The following LYPD6 variants were observed in gnomAD, a reference collection of about 807,000 sequenced individuals.
The protein encoded by LYPD6 is ly6/PLAUR domain-containing protein 6.
Under a neutral mutation model 22.7 loss-of-function variants are expected in LYPD6, and 15 were observed. The ratio of observed to expected loss-of-function variants is 0.66; its 90% confidence interval spans 0.44 to 1.02. The LOEUF is 1.02. Ranked by LOEUF, LYPD6 falls within the 50% of genes least tolerant of loss-of-function variation. The probability of loss-of-function intolerance (pLI) is 0.00; values close to 1 mark genes in which losing one functional copy is unlikely to be tolerated. For synonymous variants in LYPD6, 72 were observed against 77.5 expected, an observed-to-expected ratio of 0.93 and a Z score of 0.37; for missense variants, 189 against 208.4, an observed-to-expected ratio of 0.91 and a Z score of 0.57.
chr2:149,398,941 G>A (rs1682488510), intron 1 of LYPD6, among the ~76,000 whole-genome samples: 1 of 152,154 alleles, frequency 6.6e-6, no homozygotes, highest in Non-Finnish European at 1.5e-5. Context: ...CCAAGAAATT[G>A]CTAAGAGATT....
intron 1 of LYPD6, among the ~76,000 whole-genome samples, chr2:149,358,023 T>C (rs1681480096): frequency 6.6e-6 from 1 of 152,148 alleles, no homozygotes; most frequent in Non-Finnish European, 1.5e-5. Flanking sequence ...TGACCTCAGG[T>C]GATCCGCCCG....
chr2:149,406,928 G>T (rs1682726684), intron 1 of LYPD6, among the ~76,000 whole-genome samples: 1 of 152,028 alleles, frequency 6.6e-6, no homozygotes, highest in Non-Finnish European at 1.5e-5. Flanking sequence ...GGCAGGCCTG[G>T]TGGTGACAAA....
intron 1 of LYPD6, among the ~76,000 whole-genome samples, chr2:149,354,720 G>GGA (rs1442643087): frequency 1.3e-5 from 2 of 152,122 alleles, no homozygotes; most frequent in East Asian, 3.8e-4. Context: ...AAGGGGGCTT[G>GGA]GAATGCAATT....
chr2:149,330,931 G>A (rs1680924382), intron 1 of LYPD6, among the ~76,000 whole-genome samples: 1 of 152,188 alleles, frequency 6.6e-6, no homozygotes, highest in Non-Finnish European at 1.5e-5. Context: ...CGAGTAGCCT[G>A]GACGGGTCCA....
chr2:149,483,984 C>T, the LYPD6 span, among the ~76,000 whole-genome samples: 4 of 152,108 alleles, frequency 2.6e-5, no homozygotes, highest in African/African-American at 4.8e-5. Flanking sequence ...CACCAAAAAG[C>T]GAAGTGACCT....
chr2:149,485,910 C>T, the LYPD6 span, among the ~76,000 whole-genome samples: 1 of 152,224 alleles, frequency 6.6e-6, no homozygotes, highest in Non-Finnish European at 1.5e-5. Context: ...CCCGCCAGAC[C>T]TCAGGGTCAC....
chr2:149,419,734 C>A (rs943896159), intron 1 of LYPD6, among the ~76,000 whole-genome samples: 1 of 152,158 alleles, frequency 6.6e-6, no homozygotes, highest in Admixed American at 6.5e-5. Flanking sequence ...GGAATTAGAA[C>A]AACCAGTTAT....
chr2:149,469,589 TC>T (rs1681284573), intron 4 of LYPD6, among the ~76,000 whole-genome samples: 1 of 152,172 alleles, frequency 6.6e-6, no homozygotes, highest in Non-Finnish European at 1.5e-5. Flanking sequence ...CACCTAATTT[TC>T]AAGCAACCTC....
At chr2:149,333,477 G>A (rs1680976151) in intron 1 of LYPD6, among the ~76,000 whole-genome samples, 1 of 152,182 alleles carries the variant, frequency 6.6e-6, no homozygotes, top group Admixed American at 6.5e-5. Context: ...TTCAAGTCTT[G>A]TCTTCACATA....
chr2:149,341,352 T>C (rs1391518012), intron 1 of LYPD6, among the ~76,000 whole-genome samples: 1 of 152,178 alleles, frequency 6.6e-6, no homozygotes, highest in Non-Finnish European at 1.5e-5. Context: ...TTTCTCCTGA[T>C]TCCCTCATCA....
chr2:149,346,327 CAT>C (rs1408357093), intron 1 of LYPD6, among the ~76,000 whole-genome samples: 11 of 152,104 alleles, frequency 7.2e-5, no homozygotes, highest in Non-Finnish European at 1.3e-4. Flanking sequence ...AAGCTGAACA[CAT>C]GTGTCTGTGC....
chr2:149,331,583 C>T (rs1384757359), intron 1 of LYPD6, among the ~76,000 whole-genome samples: 1 of 151,964 alleles, frequency 6.6e-6, no homozygotes, highest in Non-Finnish European at 1.5e-5. Context: ...GTGTCACAAT[C>T]ACATCCCGTT....
intron 1 of LYPD6, among the ~76,000 whole-genome samples, chr2:149,421,042 A>G (rs114933742): frequency 5.7e-4 from 87 of 152,280 alleles, no homozygotes; most frequent in African/African-American, 2.1e-3. Context: ...CAGGATCCCC[A>G]GGGGATTCCA....
chr2:149,353,746 T>C (rs1681400892), intron 1 of LYPD6, among the ~76,000 whole-genome samples: 1 of 152,064 alleles, frequency 6.6e-6, no homozygotes, highest in Non-Finnish European at 1.5e-5. Context: ...TGAACTTGGC[T>C]CATAACAACA....
intron 2 of LYPD6, among the ~76,000 whole-genome samples, chr2:149,441,521 G>A (rs1282088459): frequency 6.6e-6 from 1 of 152,076 alleles, no homozygotes; most frequent in African/African-American, 2.4e-5. Context: ...TTTGCTCCCT[G>A]GTTTCCTAAT....
chr2:149,441,308 A>T (rs1463200251), intron 2 of LYPD6, among the ~76,000 whole-genome samples: 1 of 152,200 alleles, frequency 6.6e-6, no homozygotes, highest in Non-Finnish European at 1.5e-5. Context: ...TTAATGTTAC[A>T]ATGTGTAACA....
chr2:149,419,595 C>T (rs990421555), intron 1 of LYPD6, among the ~76,000 whole-genome samples: 2 of 152,184 alleles, frequency 1.3e-5, no homozygotes, highest in Non-Finnish European at 2.9e-5. Context: ...TATTGGACAG[C>T]TGACTTAGAC....
At chr2:149,410,703 G>A (rs1162514366) in intron 1 of LYPD6, among the ~76,000 whole-genome samples, 4 of 152,274 alleles carry the variant, frequency 2.6e-5, no homozygotes, top group Non-Finnish European at 5.9e-5. Context: ...CAGGAAACCA[G>A]CCTTCTGTGT....
the LYPD6 span, among the ~76,000 whole-genome samples, chr2:149,481,055 T>G: frequency 2.6e-5 from 4 of 152,200 alleles, no homozygotes; most frequent in Non-Finnish European, 4.4e-5. Context: ...ATCAGTCTCT[T>G]GCACACTAAT....
Sources: allele counts gnomAD v4.1 joint callset (sites outside exome capture counted in the v4.1 genomes callset), GRCh38; gene constraint gnomAD v4.1.1; transcripts MANE v1.5; gene names NCBI Gene and HGNC (gene_info 2026-07-23, HGNC 2026-07-21).